Variants in MACROD2 observed in about 807,000 individuals in gnomAD.
The protein encoded by MACROD2 is mono-ADP ribosylhydrolase 2, also known as ADP-ribose glycohydrolase MACROD2.
A neutral mutation model predicts 70.4 loss-of-function variants in MACROD2; 36 were observed. The observed-to-expected ratio is 0.51, with a 90% CI of 0.39 to 0.68. MACROD2 has a LOEUF of 0.68. Among genes scored for constraint, MACROD2 ranks in the 30% least tolerant of loss-of-function variants. The pLI is 0.00. For synonymous variants in MACROD2, 172 were observed against 178.8 expected (o/e 0.96, Z 0.30); for missense variants, 496 against 538.4 (o/e 0.92, Z 0.78).
intron 3 of MACROD2, among the ~76,000 whole-genome samples, chr20:14,158,489 A>G (rs2055136687): frequency 1.3e-5 from 2 of 152,178 alleles, no homozygotes; most frequent in Non-Finnish European, 2.9e-5. Context: ...GGTCTTAGGC[A>G]TAAAATCCTT....
At chr20:14,858,451 A>G (rs1177214489) in intron 5 of MACROD2, among the ~76,000 whole-genome samples, 2 of 152,172 alleles carry the variant, frequency 1.3e-5, no homozygotes, top group Non-Finnish European at 2.9e-5. Flanking sequence ...TTTGTGGTAG[A>G]AAAGAAAAAA....
intron 3 of MACROD2, among the ~76,000 whole-genome samples, chr20:14,416,693 A>T (rs1289788302): frequency 6.6e-6 from 1 of 152,274 alleles, no homozygotes; most frequent in East Asian, 1.9e-4. Context: ...ATAGATATTG[A>T]TTGAGTACCC....
intron 4 of MACROD2, among the ~76,000 whole-genome samples, chr20:14,551,620 C>T (rs771481544): frequency 3.3e-5 from 5 of 152,002 alleles, no homozygotes; most frequent in Admixed American, 1.3e-4. Flanking sequence ...CAAAGATGGC[C>T]GAAGTGGAAG....
At chr20:15,929,141 G>A (rs1043506226) in intron 10 of MACROD2, among the ~76,000 whole-genome samples, 9 of 152,150 alleles carry the variant, frequency 5.9e-5, no homozygotes, top group Admixed American at 1.3e-4. Flanking sequence ...GGCTCAGTGG[G>A]GTGGTTCTAC....
At chr20:14,700,854 A>G (rs1182463841) in intron 5 of MACROD2, among the ~76,000 whole-genome samples, 1 of 152,140 alleles carries the variant, frequency 6.6e-6, no homozygotes, top group East Asian at 1.9e-4. Flanking sequence ...CTGGCTCACC[A>G]GAGTAATCTC....
intron 5 of MACROD2, among the ~76,000 whole-genome samples, chr20:15,047,240 G>A (rs1482888136): frequency 6.6e-6 from 1 of 152,176 alleles, no homozygotes; most frequent in East Asian, 1.9e-4. Context: ...CTTGTTTATA[G>A]TATGTACTGT....
chr20:14,900,023 G>A (rs1196802321), intron 5 of MACROD2, among the ~76,000 whole-genome samples: 1 of 152,046 alleles, frequency 6.6e-6, no homozygotes, highest in Non-Finnish European at 1.5e-5. Context: ...CATTATGAAA[G>A]GCTGCTGTAT....
chr20:14,142,757 A>G (rs1255629720), intron 3 of MACROD2, among the ~76,000 whole-genome samples: 1 of 152,218 alleles, frequency 6.6e-6, no homozygotes, highest in African/African-American at 2.4e-5. Context: ...ATAAACTTCT[A>G]TAAAATATTA....
chr20:15,584,197 C>T (rs2048565280), intron 8 of MACROD2, among the ~76,000 whole-genome samples: 1 of 152,200 alleles, frequency 6.6e-6, no homozygotes, highest in Non-Finnish European at 1.5e-5. Context: ...TCACTGGAGA[C>T]TTCTAAAACA....
chr20:14,127,004 A>G (rs142070618), intron 3 of MACROD2, among the ~76,000 whole-genome samples: 77 of 152,310 alleles, frequency 5.1e-4, no homozygotes, highest in African/African-American at 1.6e-3. Flanking sequence ...CTCACTTTCA[A>G]TCAAAAGCTG....
At chr20:14,422,470 T>G (rs904629659) in intron 3 of MACROD2, among the ~76,000 whole-genome samples, 2 of 152,214 alleles carry the variant, frequency 1.3e-5, no homozygotes, top group African/African-American at 4.8e-5. Context: ...CTTATAGCTT[T>G]TTTGTTGCTA....
chr20:15,616,930 T>C (rs1474980805), intron 8 of MACROD2, among the ~76,000 whole-genome samples: 1 of 152,224 alleles, frequency 6.6e-6, no homozygotes, highest in Non-Finnish European at 1.5e-5. Flanking sequence ...TGACTGCTAA[T>C]GCTTTTCCTT....
intron 2 of MACROD2, among the ~76,000 whole-genome samples, chr20:14,007,553 G>A (rs1430627102): frequency 6.6e-6 from 1 of 152,186 alleles, no homozygotes; most frequent in Non-Finnish European, 1.5e-5. Context: ...AATAGGCCCA[G>A]GATATGGTAG....
At chr20:14,813,848 C>T (rs1286641563) in intron 5 of MACROD2, among the ~76,000 whole-genome samples, 2 of 152,140 alleles carry the variant, frequency 1.3e-5, no homozygotes, top group East Asian at 1.9e-4. Flanking sequence ...TCCCCTCCCT[C>T]GATGTTGTAG....
chr20:14,289,932 A>C (rs2082372460), intron 3 of MACROD2, among the ~76,000 whole-genome samples: 1 of 152,188 alleles, frequency 6.6e-6, no homozygotes, highest in South Asian at 2.1e-4. Flanking sequence ...AAAATAGATA[A>C]AGTTGTCAGC....
intron 5 of MACROD2, among the ~76,000 whole-genome samples, chr20:14,951,317 C>G (rs2074474253): frequency 6.6e-6 from 1 of 151,992 alleles, no homozygotes; most frequent in Non-Finnish European, 1.5e-5. Flanking sequence ...GATGTAAATG[C>G]AGGAAGCTGG....
At chr20:14,867,158 C>T (rs2073436996) in intron 5 of MACROD2, among the ~76,000 whole-genome samples, 1 of 152,062 alleles carries the variant, frequency 6.6e-6, no homozygotes, top group Non-Finnish European at 1.5e-5. Flanking sequence ...ATACTGAGTT[C>T]CTGGAGAAAC....
intron 6 of MACROD2, among the ~76,000 whole-genome samples, chr20:15,413,234 G>A (rs948075216): frequency 1.3e-5 from 2 of 151,338 alleles, no homozygotes; most frequent in African/African-American, 4.9e-5. Context: ...TTTTTTTGAC[G>A]GGGCAAGTTT....
At chr20:15,978,582 GTCTCTCTCTCTCTCTC>G in intron 13 of MACROD2, among the ~76,000 whole-genome samples, 1 of 146,428 alleles carries the variant, frequency 6.8e-6, no homozygotes, top group South Asian at 2.2e-4. Flanking sequence ...CTGACCTTGG[GTCTCTCTCTCTCTCTC>G]TCTCTCTCTC....
Sources: gnomAD v4.1 joint callset for allele counts (sites outside exome capture counted in the v4.1 genomes callset) on GRCh38, gnomAD v4.1.1 for gene constraint, MANE v1.5 for transcripts, NCBI Gene and HGNC (gene_info 2026-07-23, HGNC 2026-07-21) for gene names.